Variants in NUAK1 observed in about 807,000 individuals in gnomAD.
The protein encoded by NUAK1 is NUAK family SNF1-like kinase 1.
In NUAK1, 26 loss-of-function variants were observed where a neutral mutation model predicts 56.9. The ratio of observed to expected loss-of-function variants is 0.46; its 90% CI spans 0.33 to 0.63. NUAK1 has a LOEUF of 0.63. NUAK1 is among the 30% of genes least tolerant of loss of function. NUAK1 has a pLI of 0.02. For missense variants in NUAK1, 727 were observed against 876.1 expected (o/e 0.83, Z 2.15); for synonymous variants, 337 against 336.0 (o/e 1.00, Z -0.03).
At chr12:106,133,333 C>G (rs2033098111) in intron 1 of NUAK1, among the ~76,000 whole-genome samples, 2 of 152,182 alleles carry the variant, frequency 1.3e-5, no homozygotes, top group Admixed American at 1.3e-4. Context: ...ACAGTATACC[C>G]TGGCCCCTCC....
chr12:106,090,625 G>A (rs147753144), intron 2 of NUAK1, among the ~76,000 whole-genome samples: 2 of 152,270 alleles, frequency 1.3e-5, no homozygotes, highest in African/African-American at 2.4e-5. Flanking sequence ...CAAGCTCTCA[G>A]CCATTCCATT....
intron 1 of NUAK1, among the ~76,000 whole-genome samples, chr12:106,116,467 C>G (rs2032917982): frequency 2.0e-5 from 3 of 152,216 alleles, no homozygotes; most frequent in Non-Finnish European, 2.9e-5. Context: ...GTGCCAGGCC[C>G]TCAGTACCTT....
chr12:106,089,946 G>A (rs2032618302), intron 2 of NUAK1, among the ~76,000 whole-genome samples: 1 of 152,116 alleles, frequency 6.6e-6, no homozygotes, highest in Admixed American at 6.5e-5. Flanking sequence ...ATTCCATGGA[G>A]TACTCATTCT....
intron 1 of NUAK1, among the ~76,000 whole-genome samples, chr12:106,124,762 C>A (rs1389173155): frequency 6.6e-6 from 1 of 152,070 alleles, no homozygotes; most frequent in Non-Finnish European, 1.5e-5. Context: ...GTAACCCCAG[C>A]ACTACAGGAG....
At chr12:106,132,351 C>T (rs2033087014) in intron 1 of NUAK1, among the ~76,000 whole-genome samples, 1 of 152,238 alleles carries the variant, frequency 6.6e-6, no homozygotes, top group Non-Finnish European at 1.5e-5. Context: ...CAGTTCCATC[C>T]TACAAGCCTC....
intron 2 of NUAK1, among the ~76,000 whole-genome samples, chr12:106,091,428 T>C (rs990500041): frequency 6.6e-6 from 1 of 152,076 alleles, no homozygotes; most frequent in Non-Finnish European, 1.5e-5. Context: ...GCACCTACTA[T>C]GCAGATGGCA....
chr12:106,099,285 TA>T (rs1350261279), intron 2 of NUAK1, among the ~76,000 whole-genome samples: 2 of 152,192 alleles, frequency 1.3e-5, no homozygotes, highest in African/African-American at 4.8e-5. Flanking sequence ...GGCCTGGGGG[TA>T]TTGTGATTAT....
At chr12:106,085,312 C>T (rs1051987231) in intron 3 of NUAK1, among the ~76,000 whole-genome samples, 9 of 152,164 alleles carry the variant, frequency 5.9e-5, no homozygotes, top group African/African-American at 1.4e-4. Context: ...AAATATTATA[C>T]GATTCAAATC....
intron 1 of NUAK1, among the ~76,000 whole-genome samples, chr12:106,121,260 T>C (rs1219426755): frequency 6.6e-6 from 1 of 152,142 alleles, no homozygotes; most frequent in Non-Finnish European, 1.5e-5. Flanking sequence ...CGTCACAGAG[T>C]TGCTGTGAAG....
chr12:106,114,875 C>G (rs1435446789), intron 1 of NUAK1, among the ~76,000 whole-genome samples: 1 of 152,186 alleles, frequency 6.6e-6, no homozygotes, highest in Non-Finnish European at 1.5e-5. Context: ...GTGGCAGATA[C>G]TCTTCAGGGT....
intron 2 of NUAK1, 148 bp from the exon 3 acceptor site, chr12:106,087,033 A>T: frequency 1.0e-6 from 1 of 979,126 alleles, no homozygotes; most frequent in Non-Finnish European, 1.5e-6. Flanking sequence ...ATTCAGCATC[A>T]CGAGGCGTGG....
At chr12:106,091,949 AC>A (rs1474260125) in intron 2 of NUAK1, among the ~76,000 whole-genome samples, 2 of 152,162 alleles carry the variant, frequency 1.3e-5, no homozygotes, top group South Asian at 2.1e-4. Context: ...AAATCTCAGC[AC>A]TTTGGAAGGC....
chr12:106,106,165 G>A, intron 2 of NUAK1: 1 of 343,672 alleles, frequency 2.9e-6, no homozygotes, highest in Non-Finnish European at 5.2e-6. Flanking sequence ...AACTGCCAAG[G>A]AATTAAGAAG....
intron 1 of NUAK1, among the ~76,000 whole-genome samples, chr12:106,111,040 G>T (rs2032853472): frequency 6.6e-6 from 1 of 152,184 alleles, no homozygotes; most frequent in Admixed American, 6.5e-5. Context: ...GGGATGCAGA[G>T]TAGAAGAGTA....
chr12:106,066,749 C>G lies in NUAK1; in HGVS notation c.*53G>C. On this transcript the variant is annotated 3_prime_UTR_variant, in exon 7 of 7. Transcript: ENST00000261402. ...AGGTAACCAGCCTGTGAGCCCAAGTCTTGCTCCCCTTCCTCCCTCGTACCC... is the reference window on the plus strand; with the variant it reads ...AGGTAACCAGCCTGTGAGCCCAAGTGTTGCTCCCCTTCCTCCCTCGTACCC... 1 of 1,412,554 alleles carries G rather than the reference C, an allele frequency of 7.1e-7. No individual in the cohort carries two copies. Among genetic ancestry groups the G allele is most frequent in the Non-Finnish European group, 9.8e-7 (1 of 1,024,028 alleles). 87.5% of individuals were successfully genotyped at this position (1,412,554 alleles called of 1,614,324 possible). A position where few individuals can be genotyped will look rare whatever the true frequency, so the allele number is the denominator to read the frequency against.
intron 2 of NUAK1, among the ~76,000 whole-genome samples, chr12:106,098,002 T>C (rs934702258): frequency 2.6e-5 from 4 of 152,180 alleles, no homozygotes; most frequent in Admixed American, 1.3e-4. Flanking sequence ...CAAGCCCCAC[T>C]GCCCCTGGCC....
intron 2 of NUAK1, among the ~76,000 whole-genome samples, chr12:106,098,412 C>T (rs796834985): frequency 1.8e-4 from 28 of 152,222 alleles, no homozygotes; most frequent in African/African-American, 4.6e-4. Flanking sequence ...TTGTCTATTT[C>T]GTTTCTTTTC....
intron 2 of NUAK1, among the ~76,000 whole-genome samples, chr12:106,104,476 G>A (rs2032781729): frequency 6.6e-6 from 1 of 152,190 alleles, no homozygotes; most frequent in Non-Finnish European, 1.5e-5. Flanking sequence ...ACACGAAGTA[G>A]ACACTCCACT....
chr12:106,097,748 A>G (rs2032709383), intron 2 of NUAK1, among the ~76,000 whole-genome samples: 1 of 152,148 alleles, frequency 6.6e-6, no homozygotes, highest in South Asian at 2.1e-4. Flanking sequence ...GGGGTTGTCA[A>G]ATTTGGGTGT....
Sources: allele counts gnomAD v4.1 joint callset (sites outside exome capture counted in the v4.1 genomes callset), GRCh38; gene constraint gnomAD v4.1.1; transcripts MANE v1.5; gene names NCBI Gene and HGNC (gene_info 2026-07-23, HGNC 2026-07-21).